Variants in SCGB2B2 observed in about 807,000 individuals in gnomAD.
SCGB2B2 encodes secretoglobin family 2B member 2.
Under a neutral mutation model 7.6 loss-of-function variants are expected in SCGB2B2, and 11 were observed. The observed-to-expected ratio is 1.45, with a 90% CI of 0.91 to 2.40. SCGB2B2 has a LOEUF of 2.40. SCGB2B2 is among the 30% of genes most tolerant of loss of function. The pLI is 0.00. For synonymous variants in SCGB2B2, 50 were observed against 48.6 expected, an observed-to-expected ratio of 1.03 and a Z score of -0.12; for missense variants, 104 against 115.4, an observed-to-expected ratio of 0.90 and a Z score of 0.45.
chr19:34,631,909 CTT>C (rs1203944911), intron 1 of SCGB2B2: 3 of 152,142 alleles, frequency 2.0e-5, no homozygotes, highest in African/African-American at 7.2e-5. Flanking sequence ...TTAAATAAGA[CTT>C]TAAAATATTA....
rs996131795 is a variant in SCGB2B2, at chr19:34,591,617, G to A, written c.*1938C>T. ...CAAGGTCCTGCGTGACCTGGCACTT[G>A]CCTCGTTTTCTGACGTGACCTCCTT... is the stretch of plus-strand genomic sequence containing the variant. On this transcript the variant is annotated 3_prime_UTR_variant, in exon 4 of 4. Coordinates refer to ENST00000601241, the MANE Select transcript of SCGB2B2 (RefSeq NM_001025591.4). 6.6e-6 allele frequency among the ~76,000 whole-genome samples: 1 copy of A among 152,212 alleles called. No homozygotes were observed. Among genetic ancestry groups the A allele is most frequent in the Non-Finnish European group, 1.5e-5 (1 of 68,042 alleles).
rs115923168 is a variant in SCGB2B2 at position 34,622,410 on chromosome 19, G to A, written c.-2031-25816C>T. 8.8e-3 allele frequency among the ~76,000 whole-genome samples: 1,333 copies of A among 152,266 alleles called. 25 individuals are homozygous for A. Among genetic ancestry groups the A allele is most frequent in the African/African-American group, 0.03 (1,243 of 41,552 alleles). ...TCTTTTATGAGGTGGTATAAAGGGC[G>A]AGTTATCTCACTGTACCTGGGTATT... is the stretch of plus-strand genomic sequence containing the variant. On this transcript the variant is annotated intron_variant, in intron 1 of 3. Transcript: ENST00000601241.
At chr19:34,597,994 T>C (rs1469101310) in intron 1 of SCGB2B2, among the ~76,000 whole-genome samples, 1 of 148,776 alleles carries the variant, frequency 6.7e-6, no homozygotes, top group Non-Finnish European at 1.5e-5. Context: ...AATGGAGGGG[T>C]CGGGGAGACT....
intron 3 of SCGB2B2, 78 bp from the exon 4 acceptor site, chr19:34,593,677 C>G (rs2065358821): frequency 8.0e-7 from 1 of 1,245,848 alleles, no homozygotes; most frequent in South Asian, 1.3e-5. Context: ...TGCCCGGTCC[C>G]CGAGCTCAGA....
intron 1 of SCGB2B2, among the ~76,000 whole-genome samples, chr19:34,612,766 A>G (rs2065968908): frequency 6.6e-6 from 1 of 152,200 alleles, no homozygotes; most frequent in Non-Finnish European, 1.5e-5. Context: ...GAAGCTCCCC[A>G]ACTGTAATTG....
At chr19:34,670,547 G>A (rs1291356352) in intron 1 of SCGB2B2, among the ~76,000 whole-genome samples, 3 of 152,126 alleles carry the variant, frequency 2.0e-5, no homozygotes, top group East Asian at 3.8e-4. Context: ...CTTTGGTTAG[G>A]TGTCTATTCA....
At chr19:34,617,237 T>C in intron 1 of SCGB2B2, among the ~76,000 whole-genome samples, 1 of 151,988 alleles carries the variant, frequency 6.6e-6, no homozygotes, top group Non-Finnish European at 1.5e-5. Flanking sequence ...CATTGGTAGC[T>C]TGATGAGGAT....
intron 1 of SCGB2B2, among the ~76,000 whole-genome samples, chr19:34,642,782 A>T (rs935265424): frequency 2.6e-5 from 4 of 151,684 alleles, no homozygotes; most frequent in Admixed American, 2.6e-4. Context: ...AAGATGACAT[A>T]CAAATGACCA....
chr19:34,651,988 A>G (rs1458516599), intron 1 of SCGB2B2, among the ~76,000 whole-genome samples: 2 of 151,192 alleles, frequency 1.3e-5, no homozygotes, highest in East Asian at 3.9e-4. Context: ...GTTTACAACC[A>G]AGTGATTTTC....
chr19:34,612,046 T>TGGA (rs2065946588), intron 1 of SCGB2B2, among the ~76,000 whole-genome samples: 1 of 61,004 alleles, frequency 1.6e-5, no homozygotes, highest in Non-Finnish European at 3.4e-5. Flanking sequence ...TTTTTTTTTT[T>TGGA]TTTTTTTTTT....
chr19:34,608,184 G>C (rs1363739030), intron 1 of SCGB2B2, among the ~76,000 whole-genome samples: 1 of 151,986 alleles, frequency 6.6e-6, no homozygotes, highest in Non-Finnish European at 1.5e-5. Flanking sequence ...CTTTGGCTAA[G>C]TTTATTTTCA....
chr19:34,669,073 G>A (rs532874332), intron 1 of SCGB2B2, among the ~76,000 whole-genome samples: 21 of 152,200 alleles, frequency 1.4e-4, no homozygotes, highest in African/African-American at 5.1e-4. Flanking sequence ...CACCATGAAA[G>A]TCTGCAGCTT....
intron 1 of SCGB2B2, among the ~76,000 whole-genome samples, chr19:34,661,346 A>G (rs1363724622): frequency 6.6e-6 from 1 of 152,230 alleles, no homozygotes; most frequent in Non-Finnish European, 1.5e-5. Context: ...TTGTGATAAA[A>G]TAAGGGAGAC....
At chr19:34,654,319 C>A (rs887540479) in intron 1 of SCGB2B2, among the ~76,000 whole-genome samples, 2 of 151,054 alleles carry the variant, frequency 1.3e-5, no homozygotes, top group Non-Finnish European at 2.9e-5. Context: ...TAAAGCTCAA[C>A]TTCCCCAAAA....
intron 1 of SCGB2B2, chr19:34,637,910 GT>G (rs2145986123): frequency 6.6e-6 from 1 of 152,276 alleles, no homozygotes; most frequent in South Asian, 2.1e-4. Flanking sequence ...ATGTTTTCTG[GT>G]TGGGTAGAGG....
intron 1 of SCGB2B2, among the ~76,000 whole-genome samples, chr19:34,673,986 G>A (rs1214403060): frequency 6.6e-6 from 1 of 152,204 alleles, no homozygotes; most frequent in Non-Finnish European, 1.5e-5. Flanking sequence ...GAGATGGCCA[G>A]ACATAGCTAT....
intron 1 of SCGB2B2, among the ~76,000 whole-genome samples, chr19:34,614,539 ATTTTC>A (rs1235359971): frequency 1.3e-5 from 2 of 151,690 alleles, no homozygotes; most frequent in Non-Finnish European, 2.9e-5. Flanking sequence ...TTGTGTCTGT[ATTTTC>A]TTTTATCTTG....
intron 1 of SCGB2B2, among the ~76,000 whole-genome samples, chr19:34,597,932 T>C (rs931129023): frequency 2.0e-5 from 3 of 151,036 alleles, no homozygotes; most frequent in South Asian, 2.1e-4. Flanking sequence ...TCAAGAGCCA[T>C]GTTAGGATAG....
chr19:34,635,436 G>A, intron 1 of SCGB2B2: 1 of 308,616 alleles, frequency 3.2e-6, no homozygotes, highest in Non-Finnish European at 6.7e-6. Context: ...GCACCCATAA[G>A]GCCTCTCTCC....
Sources: allele counts gnomAD v4.1 joint callset (sites outside exome capture counted in the v4.1 genomes callset), GRCh38; gene constraint gnomAD v4.1.1; transcripts MANE v1.5; gene names NCBI Gene and HGNC (gene_info 2026-07-23, HGNC 2026-07-21).